PITPNM3: variants seen among roughly 807,000 people sequenced by gnomAD.
PITPNM3 encodes the protein membrane-associated phosphatidylinositol transfer protein 3.
In PITPNM3, 26 loss-of-function variants were observed where a neutral mutation model predicts 102.0. That is an observed-to-expected ratio of 0.25 (90% CI 0.19 to 0.35). The LOEUF (loss-of-function observed/expected upper bound fraction) is 0.35. Among genes scored for constraint, PITPNM3 ranks in the 10% least tolerant of loss-of-function variants. The pLI is 1.00. For missense variants in PITPNM3, 1,083 were observed against 1,346.1 expected, an observed-to-expected ratio of 0.80 and a Z score of 3.06; for synonymous variants, 578 against 558.6, an observed-to-expected ratio of 1.03 and a Z score of -0.49.
chr17:6,519,759 G>C (rs1908405069), intron 3 of PITPNM3, among the ~76,000 whole-genome samples: 1 of 151,926 alleles, frequency 6.6e-6, no homozygotes, highest in Admixed American at 6.6e-5. Flanking sequence ...GAACCCAGGA[G>C]GCAGAGGTTG....
chr17:6,540,182 G>A (rs552123471), intron 1 of PITPNM3, among the ~76,000 whole-genome samples: 1 of 152,344 alleles, frequency 6.6e-6, no homozygotes, highest in South Asian at 2.1e-4. Context: ...AGAAAAGGAA[G>A]GGGCTGGTAG....
intron 4 of PITPNM3, among the ~76,000 whole-genome samples, chr17:6,487,140 C>A (rs936572603): frequency 6.6e-6 from 1 of 152,148 alleles, no homozygotes; most frequent in Non-Finnish European, 1.5e-5. Flanking sequence ...GATGGCAGGG[C>A]TGAGGTTGGC....
At chr17:6,484,388 C>T in intron 4 of PITPNM3, 96 bp from the exon 5 acceptor site, 3 of 1,256,780 alleles carry the variant, frequency 2.4e-6, no homozygotes, top group Non-Finnish European at 3.5e-6. Flanking sequence ...GAGACCTTGG[C>T]TTACATCACA....
intron 3 of PITPNM3, among the ~76,000 whole-genome samples, chr17:6,505,195 A>AATATATATATATATATATATATAT (rs55839764): frequency 3.0e-4 from 41 of 136,284 alleles, no homozygotes; most frequent in Middle Eastern, 3.7e-3. Context: ...AGACAAATAA[A>AATATATATATATATATATATATAT]ATATATATAT....
chr17:6,495,231 C>T (rs1906729777), intron 4 of PITPNM3, among the ~76,000 whole-genome samples: 1 of 151,544 alleles, frequency 6.6e-6, no homozygotes, highest in Non-Finnish European at 1.5e-5. Context: ...GCTACCTACT[C>T]AAAAGACAGA....
chr17:6,473,062 G>T, intron 10 of PITPNM3: 1 of 580,812 alleles, frequency 1.7e-6, no homozygotes, highest in South Asian at 2.0e-5. Context: ...CCCCAATCAG[G>T]CTTGCAGCTT....
chr17:6,508,461 C>T (rs1907674936), intron 3 of PITPNM3, among the ~76,000 whole-genome samples: 1 of 152,226 alleles, frequency 6.6e-6, no homozygotes, highest in South Asian at 2.1e-4. Context: ...CCCACAATTT[C>T]ACCCCGCCTC....
At position 6,455,414 on chromosome 17, in the gene PITPNM3, G is replaced by A; in HGVS notation, c.2849C>T (p.Ser950Leu). The A allele has an allele frequency of 6.2e-7, 1 of 1,601,862 alleles. No homozygotes were observed. The highest frequency in any genetic ancestry group is 8.5e-7 in the Non-Finnish European group (1 of 1,177,074). ...KPERAQSQPESDKDHERPLPA... is the reference protein window; with the variant it reads ...KPERAQSQPELDKDHERPLPA... ...CAGCGGCCGCTCGTGGTCTTTGTCCGACTCGGGCTGGCTCTGGGCCCGCTC... is the reference window on the plus strand; with the variant it reads ...CAGCGGCCGCTCGTGGTCTTTGTCCAACTCGGGCTGGCTCTGGGCCCGCTC... Residue 950 changes from serine (S) to leucine (L), a missense_variant, in exon 20 of 20, where the codon TCG becomes TTG. By Grantham distance (145) the Ser-to-Leu change is moderately radical. This residue lies in a region of PITPNM3 where 208 missense variants were observed against 178.2 expected (regional missense o/e 1.17). Transcript: ENST00000262483.
In PITPNM3 at chr17:6,452,367, C is replaced by A. The variant is rs752958452; in HGVS notation, c.*2971G>T. On this transcript the variant is annotated 3_prime_UTR_variant, in exon 20 of 20. Transcript: ENST00000262483. ...GCAGGCCCTCGGCTACGACAGCCAC[C>A]GGATCGGGAAGAACAAACATGCCAC... The A allele has an allele frequency of 6.6e-6, 1 of 152,174 alleles. No individual in the cohort carries two copies. The highest frequency in any genetic ancestry group is 1.5e-5 in the Non-Finnish European group (1 of 68,036). The allele number at this position is 152,174 out of a possible 1,614,324, so 9.4% of individuals were successfully genotyped here.
Position 6,472,475 on chromosome 17 carries a change from C to T in PITPNM3, c.1429+182G>A, listed in dbSNP as rs888363222. ...TTGGGGGCCTCTGAGCCCCAAGATG[C>T]CTCAGACAAGCAGGTGCTTAGCACA... On this transcript the variant is annotated intron_variant, in intron 11 of 19. Transcript: ENST00000262483. The surrounding 1 kb of genome is among the most constrained non-coding windows in gnomAD (Gnocchi z 4.1). Among the ~76,000 whole-genome samples, 2 of 152,226 alleles carry T rather than the reference C, an allele frequency of 1.3e-5. No individual in the cohort carries two copies. The highest frequency in any genetic ancestry group is 1.9e-4 in the East Asian group (1 of 5,186).
At position 6,461,583 on chromosome 17, in the gene PITPNM3, A is replaced by G. The variant is rs138662318; in HGVS notation, c.2307-27T>C. Reference sequence around the variant, plus strand: ...TGGTGAGATGGCATTAGAAGGGTCCAGCCCTGCCCAGTGCAGGCCACCTGA... The same window carrying G: ...TGGTGAGATGGCATTAGAAGGGTCCGGCCCTGCCCAGTGCAGGCCACCTGA... On this transcript the variant is annotated intron_variant, in intron 17 of 19. Transcript: ENST00000262483. 6.9e-5 allele frequency: 111 copies of G among 1,611,802 alleles called. No individual in the cohort carries two copies. In the African/African-American group the frequency reaches 1.4e-3, roughly 20 times the overall value.
chr17:6,554,269 G>A (rs999159679), intron 1 of PITPNM3, among the ~76,000 whole-genome samples: 7 of 143,708 alleles, frequency 4.9e-5, no homozygotes, highest in Non-Finnish European at 7.5e-5. Context: ...GCAGTGAGCC[G>A]AGATCAAGCC....
At chr17:6,539,410 C>G (rs1389682739) in intron 1 of PITPNM3, among the ~76,000 whole-genome samples, 1 of 152,124 alleles carries the variant, frequency 6.6e-6, no homozygotes, top group Admixed American at 6.6e-5. Flanking sequence ...ATAAAATTGT[C>G]TTCATTCCCA....
chr17:6,529,655 G>A (rs7350930), intron 2 of PITPNM3, among the ~76,000 whole-genome samples: 50,184 of 151,674 alleles, frequency 0.33, 8,575 homozygotes, highest in Admixed American at 0.38. Context: ...TCATGGAGCC[G>A]AGGGCTTGGT....
chr17:6,457,494 A>G lies in PITPNM3; in HGVS notation c.2619+100T>C. 1 of 1,546,238 alleles carries G rather than the reference A, an allele frequency of 6.5e-7. No homozygotes were observed. The highest frequency in any genetic ancestry group is 8.8e-7 in the Non-Finnish European group (1 of 1,132,698). On this transcript the variant is annotated intron_variant, in intron 19 of 19. Coordinates refer to ENST00000262483, the MANE Select transcript of PITPNM3 (RefSeq NM_031220.4). This position sits in a 1 kb window ranked among gnomAD's most constrained non-coding sequence, Gnocchi z 4.7. ...AATAAATGAATGAGCAAATGGGGGA[A>G]TGAACAAATGAATGAATGAATGAAT...
chr17:6,461,343 TG>T (rs1396980603), intron 18 of PITPNM3, 29 bp downstream of exon 18: 2 of 1,609,562 alleles, frequency 1.2e-6, no homozygotes, highest in Non-Finnish European at 1.7e-6. Context: ...TCTCAAGCCA[TG>T]GAGTCCCCAC....
At chr17:6,490,974 A>G (rs1472456383) in intron 4 of PITPNM3, among the ~76,000 whole-genome samples, 1 of 125,204 alleles carries the variant, frequency 8.0e-6, no homozygotes, top group Non-Finnish European at 1.7e-5. Flanking sequence ...AAAAAAAAAA[A>G]GAAAGAAAGG....
intron 3 of PITPNM3, among the ~76,000 whole-genome samples, chr17:6,510,121 T>C (rs993111089): frequency 2.6e-5 from 4 of 152,206 alleles, no homozygotes; most frequent in Admixed American, 2.6e-4. Flanking sequence ...GTTACATCGA[T>C]TGATTTTCAC....
At chr17:6,553,170 G>T (rs1435070679) in intron 1 of PITPNM3, among the ~76,000 whole-genome samples, 1 of 152,038 alleles carries the variant, frequency 6.6e-6, no homozygotes, top group African/African-American at 2.4e-5. Flanking sequence ...TGGCCTCTCT[G>T]CTCCGTGGGG....
Sources: allele counts gnomAD v4.1 joint callset (sites outside exome capture counted in the v4.1 genomes callset), GRCh38; gene constraint gnomAD v4.1.1; regional missense constraint gnomAD v4.1.1; non-coding constraint Gnocchi (gnomAD v3.1); transcripts MANE v1.5; gene names NCBI Gene and HGNC (gene_info 2026-07-23, HGNC 2026-07-21).